ZNF782: variants seen among roughly 807,000 people sequenced by gnomAD.
ZNF782 encodes zinc finger protein 782.
In ZNF782, 12 loss-of-function variants were observed where a neutral mutation model predicts 13.0. The ratio of observed to expected loss-of-function variants is 0.92; its 90% CI spans 0.59 to 1.50. ZNF782 has a LOEUF of 1.50. Among genes scored for constraint, ZNF782 ranks in the 40% most tolerant of loss-of-function variants. ZNF782 has a pLI of 0.00. For missense variants in ZNF782, 770 were observed against 822.9 expected (o/e 0.94, Z 0.79); for synonymous variants, 284 against 283.0 (o/e 1.00, Z -0.04).
intron 5 of ZNF782, among the ~76,000 whole-genome samples, chr9:96,823,733 T>A (rs950061606): frequency 2.6e-5 from 4 of 152,088 alleles, no homozygotes; most frequent in African/African-American, 9.7e-5. Context: ...AAAATATACC[T>A]CTTTAACAAA....
At chr9:96,857,602 T>C (rs958843444), upstream of ZNF782, among the ~76,000 whole-genome samples, 1 of 152,226 alleles carries the variant, frequency 6.6e-6, no homozygotes, top group African/African-American at 2.4e-5. Context: ...AGGATTGTCT[T>C]GTCACCCATT....
chr9:96,877,475 T>C (rs1163623071), upstream of ZNF782, among the ~76,000 whole-genome samples: 1 of 152,264 alleles, frequency 6.6e-6, no homozygotes, highest in Non-Finnish European at 1.5e-5. Context: ...CTCCTGGGGG[T>C]ACCTGGCAGA....
At chr9:96,926,567 C>T in the ZNF782 span, among the ~76,000 whole-genome samples, 3 of 151,136 alleles carry the variant, frequency 2.0e-5, no homozygotes, top group Non-Finnish European at 4.4e-5. Context: ...GGACACTCCC[C>T]TCCCAGTGGC....
At position 96,860,619 on chromosome 9, in the gene ZNF782, A is replaced by C. The variant is rs76934077; in HGVS notation, c.-380-205T>G. 9.0e-3 allele frequency among the ~76,000 whole-genome samples: 1,375 copies of C among 152,356 alleles called. 27 individuals carry two copies. The highest frequency in any genetic ancestry group is 0.032 in the African/African-American group (1,313 of 41,590). On this transcript the variant is annotated intron_variant, in intron 2 of 5. Coordinates refer to the ZNF782 transcript ENST00000498811. ...ATGTATATACAACTACAAAAGACTC[A>C]GAATATCCAAAGCTACCCTGAGCAA...
At chr9:96,917,887 C>CGTGTGTGTGTCTGTGTGTGTGTGT in the ZNF782 span, among the ~76,000 whole-genome samples, 99 of 121,714 alleles carry the variant, frequency 8.1e-4, 1 homozygote, top group South Asian at 6.3e-3. Flanking sequence ...CCACCCTTGG[C>CGTGTGTGTGTCTGTGTGTGTGTGT]GTGTGTGTGT....
At chr9:96,864,059 G>GTACATA (rs1354386577) in intron 1 of ZNF782, among the ~76,000 whole-genome samples, 1 of 150,266 alleles carries the variant, frequency 6.7e-6, no homozygotes, top group African/African-American at 2.4e-5. Context: ...ATATGCATAT[G>GTACATA]TACATATACA....
the ZNF782 span, chr9:96,929,170 A>T: frequency 6.8e-7 from 1 of 1,472,600 alleles, no homozygotes; most frequent in Non-Finnish European, 9.4e-7. Context: ...CCCCAAGGAC[A>T]TCACACCTGG....
At chr9:96,847,306 G>A (rs1229985542) in intron 3 of ZNF782, among the ~76,000 whole-genome samples, 2 of 151,692 alleles carry the variant, frequency 1.3e-5, no homozygotes, top group East Asian at 3.9e-4. Flanking sequence ...AAGCTAGCAG[G>A]ACAAAAGAAA....
chr9:96,881,113 C>T, the ZNF782 span, among the ~76,000 whole-genome samples: 1 of 151,734 alleles, frequency 6.6e-6, no homozygotes, highest in African/African-American at 2.4e-5. Flanking sequence ...ATAGTTAGAA[C>T]CCCTGTTTTC....
the ZNF782 span, among the ~76,000 whole-genome samples, chr9:96,916,757 G>A: frequency 6.6e-6 from 1 of 150,652 alleles, no homozygotes; most frequent in African/African-American, 2.4e-5. Flanking sequence ...GAAGGGAGGA[G>A]GGCCAAAGGT....
the ZNF782 span, among the ~76,000 whole-genome samples, chr9:96,930,527 A>C: frequency 1.4e-5 from 2 of 147,484 alleles, no homozygotes; most frequent in Non-Finnish European, 3.0e-5. Flanking sequence ...CCGTCTCAAA[A>C]AAAAAAAAAA....
chr9:96,844,116 T>C (rs982060153), intron 4 of ZNF782, among the ~76,000 whole-genome samples: 1 of 152,134 alleles, frequency 6.6e-6, no homozygotes, highest in Non-Finnish European at 1.5e-5. Context: ...CAAAGAGTAA[T>C]GAGAACTCAC....
upstream of ZNF782, among the ~76,000 whole-genome samples, chr9:96,879,986 T>C (rs563160709): frequency 3.6e-4 from 55 of 152,366 alleles, no homozygotes; most frequent in African/African-American, 1.3e-3. Context: ...TTTTCTTACA[T>C]TACTGTAATG....
the ZNF782 span, among the ~76,000 whole-genome samples, chr9:96,928,129 C>G: frequency 1.5e-3 from 230 of 151,886 alleles, no homozygotes; most frequent in Admixed American, 2.7e-3. Flanking sequence ...CTGGTCATTG[C>G]CTATTCCACT....
chr9:96,838,869 C>G (rs1851093286), intron 4 of ZNF782, among the ~76,000 whole-genome samples: 1 of 152,098 alleles, frequency 6.6e-6, no homozygotes. Context: ...GCACCCACCA[C>G]CACGCCTGGC....
At chr9:96,901,282 T>G in the ZNF782 span, among the ~76,000 whole-genome samples, 1 of 148,200 alleles carries the variant, frequency 6.7e-6, no homozygotes, top group Non-Finnish European at 1.5e-5. Context: ...TTTTTTTTTT[T>G]TTTTTTTGAG....
chr9:96,871,374 G>C (rs1189937658), intron 1 of ZNF782, among the ~76,000 whole-genome samples: 3 of 151,864 alleles, frequency 2.0e-5, no homozygotes, highest in African/African-American at 4.8e-5. Flanking sequence ...GCATACCACA[G>C]CCTGGAAATC....
intron 5 of ZNF782, among the ~76,000 whole-genome samples, chr9:96,824,950 G>A (rs1166295259): frequency 6.6e-6 from 1 of 151,882 alleles, no homozygotes; most frequent in Non-Finnish European, 1.5e-5. Context: ...TGGGTAGGAA[G>A]AATCAATATG....
chr9:96,886,975 C>T, the ZNF782 span, among the ~76,000 whole-genome samples: 1 of 147,206 alleles, frequency 6.8e-6, no homozygotes, highest in Admixed American at 6.8e-5. Flanking sequence ...AATAAATATG[C>T]AAATAACCCA....
Sources: gnomAD v4.1 joint callset for allele counts (sites outside exome capture counted in the v4.1 genomes callset) on GRCh38, gnomAD v4.1.1 for gene constraint, MANE v1.5 for transcripts, NCBI Gene and HGNC (gene_info 2026-07-23, HGNC 2026-07-21) for gene names.